CNTN5: variants seen among roughly 807,000 people sequenced by gnomAD.
CNTN5 encodes the protein contactin 5.
Under a neutral mutation model 129.1 loss-of-function variants are expected in CNTN5, and 77 were observed. The observed-to-expected ratio is 0.60, with a 90% CI of 0.50 to 0.72. The LOEUF (loss-of-function observed/expected upper bound fraction) is 0.72, where lower values mean the gene tolerates loss of function less well. CNTN5 is among the 30% of genes least tolerant of loss of function. The pLI is 0.00. For missense variants in CNTN5, 1,478 were observed against 1,328.8 expected (o/e 1.11, Z -1.75); for synonymous variants, 509 against 465.6 (o/e 1.09, Z -1.20).
At chr11:99,073,619 A>G (rs1360266538) in intron 1 of CNTN5, among the ~76,000 whole-genome samples, 5 of 151,626 alleles carry the variant, frequency 3.3e-5, no homozygotes, top group Non-Finnish European at 7.4e-5. Context: ...CTCACTGTTC[A>G]GCTCCCACTG....
chr11:100,159,181 G>T lies in CNTN5; in HGVS notation c.1581-31945G>T, dbSNP rs142371136. On this transcript the variant is annotated intron_variant, in intron 13 of 24. Transcript: ENST00000524871. ...AATAATCATCACCAAAGTCAGACTG[G>T]TATTGCATAGATTTGTCTTGTGAAA... is the stretch of plus-strand genomic sequence containing the variant. Among the ~76,000 whole-genome samples, 736 of 151,626 alleles carry T rather than the reference G, an allele frequency of 4.9e-3. 3 individuals are homozygous for T. The highest frequency in any genetic ancestry group is 0.017 in the African/African-American group (689 of 41,432).
chr11:100,264,546 G>A (rs977078439), intron 17 of CNTN5, among the ~76,000 whole-genome samples: 1 of 152,094 alleles, frequency 6.6e-6, no homozygotes, highest in Admixed American at 6.6e-5. Context: ...CCACGTCCTG[G>A]CAAAGGATGT....
intron 1 of CNTN5, among the ~76,000 whole-genome samples, chr11:99,191,907 C>A (rs1858662656): frequency 6.6e-6 from 1 of 151,130 alleles, no homozygotes; most frequent in Non-Finnish European, 1.5e-5. Flanking sequence ...CTAGAAGCAG[C>A]AAGAATAAGT....
At chr11:99,589,754 A>T (rs994045459) in intron 3 of CNTN5, among the ~76,000 whole-genome samples, 14 of 152,230 alleles carry the variant, frequency 9.2e-5, no homozygotes, top group Non-Finnish European at 1.9e-4. Flanking sequence ...AGTCAAGTGT[A>T]CATGAATATA....
intron 8 of CNTN5, among the ~76,000 whole-genome samples, chr11:99,973,357 A>T (rs981821863): frequency 6.6e-6 from 1 of 152,180 alleles, no homozygotes; most frequent in Non-Finnish European, 1.5e-5. Context: ...ATAGAAATTT[A>T]GATTAAAATG....
chr11:99,774,173 G>A (rs1480222929), intron 3 of CNTN5, among the ~76,000 whole-genome samples: 1 of 151,856 alleles, frequency 6.6e-6, no homozygotes, highest in Non-Finnish European at 1.5e-5. Flanking sequence ...TTCTAAGGAA[G>A]GAGCAGGAAC....
chr11:100,210,503 T>A (rs1949008757), intron 15 of CNTN5, among the ~76,000 whole-genome samples: 1 of 152,140 alleles, frequency 6.6e-6, no homozygotes, highest in South Asian at 2.1e-4. Flanking sequence ...ACTCAAGTAT[T>A]AGACTTGATA....
intron 2 of CNTN5, among the ~76,000 whole-genome samples, chr11:99,414,908 G>T (rs757886347): frequency 3.3e-5 from 5 of 152,188 alleles, no homozygotes; most frequent in African/African-American, 1.2e-4. Context: ...TTTGAGGATA[G>T]AATTTTCTGT....
chr11:99,791,080 T>TC, intron 3 of CNTN5, among the ~76,000 whole-genome samples: 1 of 150,604 alleles, frequency 6.6e-6, no homozygotes, highest in East Asian at 2.0e-4. Flanking sequence ...AAATATTTTC[T>TC]CCCATTCTCT....
intron 3 of CNTN5, among the ~76,000 whole-genome samples, chr11:99,816,463 C>A (rs947984888): frequency 6.6e-6 from 1 of 152,126 alleles, no homozygotes; most frequent in African/African-American, 2.4e-5. Context: ...AATTCATGAG[C>A]CTTTACCTCA....
At chr11:99,533,180 G>A (rs1444774781) in intron 2 of CNTN5, among the ~76,000 whole-genome samples, 7 of 152,216 alleles carry the variant, frequency 4.6e-5, no homozygotes, top group African/African-American at 1.4e-4. Flanking sequence ...CCAAGATTGT[G>A]CCACTGTACT....
chr11:99,544,517 C>A (rs1186056967), intron 2 of CNTN5, among the ~76,000 whole-genome samples: 2 of 152,130 alleles, frequency 1.3e-5, no homozygotes, highest in East Asian at 1.9e-4. Flanking sequence ...ATTGAAAAAT[C>A]CAATAGCTTT....
intron 13 of CNTN5, among the ~76,000 whole-genome samples, chr11:100,155,988 C>G (rs1035437115): frequency 1.3e-5 from 2 of 151,894 alleles, no homozygotes; most frequent in African/African-American, 2.4e-5. Flanking sequence ...ATTTTAATAC[C>G]CTTTATTTCT....
intron 1 of CNTN5, among the ~76,000 whole-genome samples, chr11:99,246,419 A>G (rs565171984): frequency 1.1e-4 from 16 of 152,278 alleles, no homozygotes; most frequent in African/African-American, 3.6e-4. Context: ...TCAGTACCAG[A>G]GGTTTACAGA....
rs558896377 is a variant in CNTN5 at position 99,435,971 on chromosome 11, C to A, written c.-71+110487C>A. Among the ~76,000 whole-genome samples the A allele has an allele frequency of 3.9e-5, 6 of 152,268 alleles. No individual in the cohort carries two copies. The South Asian group carries it at 1.2e-3, about 32-fold the overall frequency. On this transcript the variant is annotated intron_variant, in intron 2 of 24. Transcript: ENST00000524871. ...ATAATTATTTTAAAAAGGTCGTATTCAACTTTGAAATGACTCATAATTTTA... is the reference window on the plus strand; with the variant it reads ...ATAATTATTTTAAAAAGGTCGTATTAAACTTTGAAATGACTCATAATTTTA...
intron 3 of CNTN5, among the ~76,000 whole-genome samples, chr11:99,735,696 G>A (rs1024233692): frequency 2.6e-5 from 4 of 152,034 alleles, no homozygotes; most frequent in Non-Finnish European, 4.4e-5. Flanking sequence ...CGTTATATAC[G>A]TTTAAGTTGT....
intron 2 of CNTN5, among the ~76,000 whole-genome samples, chr11:99,357,070 C>A (rs867048848): frequency 3.3e-5 from 5 of 152,112 alleles, no homozygotes; most frequent in Admixed American, 3.3e-4. Context: ...AATTTAATAA[C>A]CCAGTAAGGT....
chr11:99,154,952 G>C (rs538213663), intron 1 of CNTN5, among the ~76,000 whole-genome samples: 8 of 152,276 alleles, frequency 5.3e-5, no homozygotes, highest in African/African-American at 1.9e-4. Flanking sequence ...AGACGGTCCT[G>C]CTCCACGTCC....
intron 1 of CNTN5, among the ~76,000 whole-genome samples, chr11:99,099,525 T>C (rs943085713): frequency 5.5e-5 from 8 of 145,882 alleles, no homozygotes; most frequent in African/African-American, 2.1e-4. Flanking sequence ...GGAACGTCTT[T>C]ACAGCATAAA....
Sources: allele counts gnomAD v4.1 joint callset (sites outside exome capture counted in the v4.1 genomes callset), GRCh38; gene constraint gnomAD v4.1.1; transcripts MANE v1.5; gene names NCBI Gene and HGNC (gene_info 2026-07-23, HGNC 2026-07-21).